Variants in ERN1 observed in about 807,000 individuals in gnomAD.
The protein encoded by ERN1 is endoplasmic reticulum to nucleus signaling 1.
ERN1 carries 39 observed loss-of-function variants against 113.1 expected under a neutral mutation model. The ratio of observed to expected loss-of-function variants is 0.34; its 90% CI spans 0.27 to 0.45. The LOEUF (loss-of-function observed/expected upper bound fraction) is 0.45. Ranked by LOEUF, ERN1 falls within the 20% of genes least tolerant of loss-of-function variation. ERN1 has a pLI of 1.00. For synonymous variants in ERN1, 507 were observed against 515.9 expected (o/e 0.98, Z 0.23); for missense variants, 976 against 1,274.8 (o/e 0.77, Z 3.57).
intron 1 of ERN1, among the ~76,000 whole-genome samples, chr17:64,114,707 A>T (rs1914760208): frequency 6.6e-6 from 1 of 151,850 alleles, no homozygotes; most frequent in Non-Finnish European, 1.5e-5. Context: ...TTGTAAAGCC[A>T]CCTGGAAGAA....
At chr17:64,065,314 C>G (rs1913186430) in intron 8 of ERN1, 27 bp from the exon 9 acceptor site, 1 of 1,520,086 alleles carries the variant, frequency 6.6e-7, no homozygotes, top group Non-Finnish European at 9.0e-7. Flanking sequence ...TACATGCATT[C>G]CAGAGTCATT....
intron 1 of ERN1, chr17:64,102,798 A>G: frequency 2.0e-6 from 2 of 985,438 alleles, no homozygotes; most frequent in Non-Finnish European, 2.4e-6. Context: ...ACTGGTTTCC[A>G]GAGAGCCTGA....
Position 64,055,656 on chromosome 17 carries a change from A to G in ERN1, c.1672+19T>C. On this transcript the variant is annotated intron_variant, in intron 13 of 21. Transcript: ENST00000433197. ...TCGAATAAAACATAAAATAGCACCA[A>G]GATGGCAACTGGCTTTACCTCCATC... is the stretch of plus-strand genomic sequence containing the variant. 6.5e-7 allele frequency: 1 copy of G among 1,548,824 alleles called. No individual in the cohort carries two copies.
intron 1 of ERN1, chr17:64,128,779 T>C (rs1470092765): frequency 6.6e-6 from 1 of 152,034 alleles, no homozygotes; most frequent in African/African-American, 2.4e-5. Flanking sequence ...CAAATTTTCC[T>C]TTATTTAAAA....
rs6504201 is a variant in ERN1, at chr17:64,083,467, G to T, written c.176-2659C>A. ...TGTAGGGATGTAAACAAATACTGCTGTAAAATAAGCCACTATCTATATGGG... is the reference window on the plus strand; with the variant it reads ...TGTAGGGATGTAAACAAATACTGCTTTAAAATAAGCCACTATCTATATGGG... On this transcript the variant is annotated intron_variant, in intron 2 of 21. Coordinates refer to ENST00000433197, the MANE Select transcript of ERN1 (RefSeq NM_001433.5). Among the ~76,000 whole-genome samples, 4 of 152,016 alleles carry T rather than the reference G, an allele frequency of 2.6e-5. No individual in the cohort carries two copies. The East Asian group carries it at 7.7e-4, about 29-fold the overall frequency.
At position 64,113,507 on chromosome 17, in the gene ERN1, C is replaced by G. The variant is rs541355139; in HGVS notation, c.55-15266G>C. 9.9e-5 allele frequency among the ~76,000 whole-genome samples: 15 copies of G among 151,928 alleles called. No homozygotes were observed. The South Asian group carries it at 1.2e-3, about 13-fold the overall frequency. On this transcript the variant is annotated intron_variant, in intron 1 of 21. Coordinates refer to ENST00000433197, the MANE Select transcript of ERN1 (RefSeq NM_001433.5). The stretch of plus-strand genomic sequence containing the variant: ...TTTTTCCAGAGCATTTTGCCCTTTA[C>G]GTAAATCTTTTTTTTTTTTTGAGAC...
Position 64,054,681 on chromosome 17 carries a change from C to T in ERN1, c.1763+57G>A. The T allele has an allele frequency of 7.1e-7, 1 of 1,405,156 alleles. No individual in the cohort carries two copies. The highest frequency in any genetic ancestry group is 2.3e-4 in the Middle Eastern group (1 of 4,288). The allele number at this position is 1,405,156 out of a possible 1,614,324, so 87.0% of individuals were successfully genotyped here. On this transcript the variant is annotated intron_variant, in intron 14 of 21. Transcript: ENST00000433197. The surrounding 1 kb of genome is among the most constrained non-coding windows in gnomAD (Gnocchi z 4.9). ...TCTGAGCCTGGCACCAGGCTCGCAACCTGACAGGCACTTAGACACCAGGCG... is the reference window on the plus strand; with the variant it reads ...TCTGAGCCTGGCACCAGGCTCGCAATCTGACAGGCACTTAGACACCAGGCG...
intron 4 of ERN1, 118 bp from the exon 5 acceptor site, chr17:64,075,365 C>T (rs1490393981): frequency 6.6e-5 from 55 of 834,412 alleles, no homozygotes; most frequent in Non-Finnish European, 8.5e-5. Flanking sequence ...AAGCACTTTG[C>T]AGATGAGAGT....
intron 2 of ERN1, among the ~76,000 whole-genome samples, chr17:64,083,657 C>T (rs1470310172): frequency 6.6e-6 from 1 of 152,136 alleles, no homozygotes; most frequent in Non-Finnish European, 1.5e-5. Context: ...AAGGTTTGGT[C>T]TCCCAGGATT....
At chr17:64,102,599 C>G in intron 1 of ERN1, 1 of 913,878 alleles carries the variant, frequency 1.1e-6, no homozygotes, top group Non-Finnish European at 1.3e-6. Context: ...AATGTAGTTG[C>G]TATAGCTAAC....
rs1203463747 is a variant in ERN1, at chr17:64,079,654, A to G, written c.282+8T>C. 2 of 1,611,756 alleles carry G rather than the reference A, an allele frequency of 1.2e-6. No homozygotes were observed. The highest frequency in any genetic ancestry group is 1.7e-6 in the Non-Finnish European group (2 of 1,177,970). ...CCTGGAGTACAAAAAGCAGCTAAAT[A>G]TACTCACCGTCAGGCCTTCATTATT... is the stretch of plus-strand genomic sequence containing the variant. On this transcript the variant is annotated splice_region_variant and intron_variant, in intron 4 of 21. Coordinates refer to ENST00000433197, the MANE Select transcript of ERN1 (RefSeq NM_001433.5).
At chr17:64,048,076 T>C in intron 18 of ERN1, 91 bp from the exon 19 acceptor site, 1 of 1,140,180 alleles carries the variant, frequency 8.8e-7, no homozygotes, top group Non-Finnish European at 1.2e-6. Flanking sequence ...ACCCTCTCAT[T>C]TATGATTCTA....
intron 16 of ERN1, 78 bp downstream of exon 16, chr17:64,053,194 C>T (rs907988199): frequency 1.5e-5 from 18 of 1,233,450 alleles, no homozygotes; most frequent in Admixed American, 9.3e-5. Context: ...AAGGCCCACC[C>T]GAGCTACTGG....
In ERN1 at chr17:64,040,981, T is replaced by TA. The variant is rs1285505684; in HGVS notation, c.*3006dup. 4.0e-5 allele frequency: 6 copies of TA among 151,270 alleles called. No individual in the cohort carries two copies. Among genetic ancestry groups the TA allele is most frequent in the Non-Finnish European group, 7.4e-5 (5 of 67,782 alleles). 9.4% of individuals were successfully genotyped at this position (151,270 alleles called of 1,614,324 possible). ...TAACATGGGGAAACCCCGTCTCTAC[T>TA]AAAAAAAATATAAAAAATTAGCCGA... On this transcript the variant is annotated 3_prime_UTR_variant, in exon 22 of 22. Transcript: ENST00000433197.
chr17:64,127,952 T>A (rs1049046193), intron 1 of ERN1, among the ~76,000 whole-genome samples: 1 of 151,946 alleles, frequency 6.6e-6, no homozygotes, highest in Non-Finnish European at 1.5e-5. Flanking sequence ...ATTCTTACTA[T>A]GTTTGGGGGT....
rs1912780259 is a variant in ERN1, at chr17:64,054,271, C to T, written c.1932G>A (p.Leu644=). ...DRQFQYIAIE[L]CAATLQEYVE... ...CCACCTCTTGCAGGGTGGCTGCACA[C>T]AGCTCGATGGCAATGTACTGGAATT... The change falls in exon 15 of 22, where the codon CTG becomes CTA. Residue 644 remains leucine (L), a synonymous_variant. Coordinates refer to ENST00000433197, the MANE Select transcript of ERN1 (RefSeq NM_001433.5). This position sits in a 1 kb window ranked among gnomAD's most constrained non-coding sequence, Gnocchi z 4.9. 1 of 1,613,370 alleles carries T rather than the reference C, an allele frequency of 6.2e-7. No homozygotes were observed.
intron 1 of ERN1, among the ~76,000 whole-genome samples, chr17:64,107,956 G>A (rs1048829728): frequency 2.6e-5 from 4 of 152,178 alleles, no homozygotes; most frequent in Non-Finnish European, 5.9e-5. Context: ...CGGCTGTTAT[G>A]TTTCCTGATA....
intron 2 of ERN1, among the ~76,000 whole-genome samples, chr17:64,082,675 G>A (rs574541053): frequency 3.9e-5 from 6 of 152,228 alleles, no homozygotes; most frequent in African/African-American, 7.2e-5. Context: ...ACACAGACTC[G>A]TCTTCAGATG....
chr17:64,073,336 T>A lies in ERN1; in HGVS notation c.356-1233A>T, dbSNP rs1196965833. On this transcript the variant is annotated intron_variant, in intron 5 of 21. Coordinates refer to ENST00000433197, the MANE Select transcript of ERN1 (RefSeq NM_001433.5). ...GGTGCGTGCCACCACACCCAGCAAATTTTTTTTTTTTTTTTTTTTTAGTAG... is the reference window on the plus strand; with the variant it reads ...GGTGCGTGCCACCACACCCAGCAAAATTTTTTTTTTTTTTTTTTTTAGTAG... Among the ~76,000 whole-genome samples the A allele has an allele frequency of 1.6e-5, 2 of 121,740 alleles. 1 individual carries two copies. The highest frequency in any genetic ancestry group is 4.5e-4 in the East Asian group (2 of 4,404). 79.9% of individuals were successfully genotyped at this position (121,740 alleles called of 152,430 possible). A position where few individuals can be genotyped will look rare whatever the true frequency, so the allele number is the denominator to read the frequency against.
Sources: allele counts gnomAD v4.1 joint callset (sites outside exome capture counted in the v4.1 genomes callset), GRCh38; gene constraint gnomAD v4.1.1; non-coding constraint Gnocchi (gnomAD v3.1); transcripts MANE v1.5; gene names NCBI Gene and HGNC (gene_info 2026-07-23, HGNC 2026-07-21).